The following PCDH15 variants were observed in gnomAD, a reference collection of about 807,000 sequenced individuals.
PCDH15 encodes protocadherin related 15, also known as protocadherin-15.
In PCDH15, 129 loss-of-function variants were observed where a neutral mutation model predicts 178.5. The ratio of observed to expected loss-of-function variants is 0.72; its 90% CI spans 0.63 to 0.84. The LOEUF is 0.84. Ranked by LOEUF, PCDH15 falls within the 40% of genes least tolerant of loss-of-function variation. PCDH15 has a pLI of 0.00. For synonymous variants in PCDH15, 800 were observed against 732.0 expected (o/e 1.09, Z -1.50); for missense variants, 2,230 against 2,099.9 (o/e 1.06, Z -1.21).
chr10:54,676,157 T>C (rs1242381726), intron 1 of PCDH15, among the ~76,000 whole-genome samples: 2 of 151,982 alleles, frequency 1.3e-5, no homozygotes, highest in African/African-American at 4.8e-5. Flanking sequence ...TAAAATAATA[T>C]TTTAAATCGT....
chr10:55,329,429 T>A (rs1844133639), intron 2 of PCDH15, among the ~76,000 whole-genome samples: 2 of 151,348 alleles, frequency 1.3e-5, no homozygotes, highest in South Asian at 4.2e-4. Flanking sequence ...CTCTTTGGAG[T>A]CCTCAATAAT....
chr10:54,015,807 C>T (rs920119474), intron 20 of PCDH15, among the ~76,000 whole-genome samples: 2 of 152,006 alleles, frequency 1.3e-5, no homozygotes, highest in African/African-American at 4.8e-5. Flanking sequence ...ACAAAGATAA[C>T]CTCGGAAATA....
intron 2 of PCDH15, among the ~76,000 whole-genome samples, chr10:54,645,255 G>T (rs1393857365): frequency 6.6e-6 from 1 of 151,980 alleles, no homozygotes; most frequent in Non-Finnish European, 1.5e-5. Flanking sequence ...GGGATTTTTG[G>T]AATTTAAATT....
chr10:55,085,852 T>A (rs1274415732), intron 2 of PCDH15, among the ~76,000 whole-genome samples: 1 of 151,720 alleles, frequency 6.6e-6, no homozygotes, highest in Non-Finnish European at 1.5e-5. Context: ...TTAATTAAAA[T>A]TAGGTAATTT....
intron 2 of PCDH15, among the ~76,000 whole-genome samples, chr10:55,563,505 G>A (rs987891675): frequency 2.0e-5 from 3 of 151,618 alleles, no homozygotes; most frequent in African/African-American, 7.2e-5. Context: ...AGCAAGCCCT[G>A]GGGAAGGGAG....
At chr10:54,028,953 GACT>G (rs151203858) in intron 18 of PCDH15, among the ~76,000 whole-genome samples, 48,203 of 151,588 alleles carry the variant, frequency 0.32, 8,252 homozygotes, top group African/African-American at 0.46. Context: ...ATAAAAAAAA[GACT>G]ACAATATCCC....
chr10:54,974,348 A>T (rs1011381239), intron 2 of PCDH15, among the ~76,000 whole-genome samples: 9 of 152,172 alleles, frequency 5.9e-5, no homozygotes, highest in African/African-American at 2.2e-4. Context: ...AATGTAATAT[A>T]CATGATATAT....
At chr10:54,718,923 C>T (rs2095513186) in intron 1 of PCDH15, among the ~76,000 whole-genome samples, 1 of 151,726 alleles carries the variant, frequency 6.6e-6, no homozygotes, top group Admixed American at 6.6e-5. Flanking sequence ...TCTTGAACTC[C>T]TGACGTCCTG....
At chr10:54,172,787 C>T (rs1450323383) in intron 13 of PCDH15, among the ~76,000 whole-genome samples, 1 of 151,838 alleles carries the variant, frequency 6.6e-6, no homozygotes, top group Non-Finnish European at 1.5e-5. Context: ...CAATCACATA[C>T]AAATAAGCAG....
intron 20 of PCDH15, among the ~76,000 whole-genome samples, chr10:54,005,222 T>C (rs1370162512): frequency 1.3e-5 from 2 of 152,034 alleles, no homozygotes; most frequent in Admixed American, 6.6e-5. Flanking sequence ...AAAGAAAACA[T>C]GCGGAAACTC....
At chr10:54,513,560 T>C (rs1365156276) in intron 3 of PCDH15, among the ~76,000 whole-genome samples, 2 of 152,188 alleles carry the variant, frequency 1.3e-5, no homozygotes, top group Admixed American at 6.5e-5. Flanking sequence ...TTTGTCATCA[T>C]TGTAGACATG....
intron 2 of PCDH15, among the ~76,000 whole-genome samples, chr10:55,536,434 T>A (rs1319261002): frequency 6.6e-6 from 1 of 152,172 alleles, no homozygotes; most frequent in Non-Finnish European, 1.5e-5. Context: ...AGTGTTTCTA[T>A]CTTTAAATGT....
intron 1 of PCDH15, among the ~76,000 whole-genome samples, chr10:55,212,783 T>C (rs566208481): frequency 3.5e-4 from 53 of 152,226 alleles, no homozygotes; most frequent in Admixed American, 3.1e-3. Context: ...TCTTTAATCA[T>C]AGGCGGGTCT....
At chr10:55,032,877 A>G (rs970857832) in intron 2 of PCDH15, among the ~76,000 whole-genome samples, 1 of 152,122 alleles carries the variant, frequency 6.6e-6, no homozygotes, top group African/African-American at 2.4e-5. Flanking sequence ...TCAGTACTCC[A>G]AATGTTCTTG....
chr10:54,914,187 C>T (rs1322841364), intron 2 of PCDH15, among the ~76,000 whole-genome samples: 1 of 152,014 alleles, frequency 6.6e-6, no homozygotes, highest in East Asian at 1.9e-4. Flanking sequence ...TTTCAATTCT[C>T]AGTGTTTGAG....
At chr10:54,557,969 C>A (rs2087527671) in intron 2 of PCDH15, among the ~76,000 whole-genome samples, 1 of 151,856 alleles carries the variant, frequency 6.6e-6, no homozygotes, top group African/African-American at 2.4e-5. Flanking sequence ...TTTTCATAAT[C>A]AAAAATATTT....
intron 1 of PCDH15, among the ~76,000 whole-genome samples, chr10:54,766,804 C>T (rs1164400261): frequency 6.6e-6 from 1 of 151,970 alleles, no homozygotes; most frequent in African/African-American, 2.4e-5. Context: ...TGGCAGGCGC[C>T]TGTAAGTCCC....
chr10:55,143,945 T>C (rs1377307394), intron 2 of PCDH15, among the ~76,000 whole-genome samples: 1 of 152,056 alleles, frequency 6.6e-6, no homozygotes, highest in Non-Finnish European at 1.5e-5. Flanking sequence ...GTTAGACATA[T>C]TTTTGAATTA....
chr10:54,226,453 AC>A (rs1466821093), intron 9 of PCDH15, among the ~76,000 whole-genome samples: 3 of 152,276 alleles, frequency 2.0e-5, no homozygotes, highest in African/African-American at 7.2e-5. Context: ...TAATCCCAGC[AC>A]TTTGGGAGGC....
Sources: gnomAD v4.1 joint callset for allele counts (sites outside exome capture counted in the v4.1 genomes callset) on GRCh38, gnomAD v4.1.1 for gene constraint, MANE v1.5 for transcripts, NCBI Gene and HGNC (gene_info 2026-07-23, HGNC 2026-07-21) for gene names.